CCDC148: variants seen among roughly 807,000 people sequenced by gnomAD.
CCDC148 encodes coiled-coil domain containing 148.
CCDC148 carries 89 observed loss-of-function variants against 85.7 expected under a neutral mutation model. The ratio of observed to expected loss-of-function variants is 1.04; its 90% confidence interval spans 0.87 to 1.24. The LOEUF (loss-of-function observed/expected upper bound fraction) is 1.24. Among genes scored for constraint, CCDC148 ranks in the 50% most tolerant of loss-of-function variants. The probability of loss-of-function intolerance (pLI) is 0.00; values close to 1 mark genes in which losing one functional copy is unlikely to be tolerated. For missense variants in CCDC148, 692 were observed against 671.7 expected (o/e 1.03, Z -0.33); for synonymous variants, 230 against 213.9 (o/e 1.08, Z -0.66).
intron 7 of CCDC148, among the ~76,000 whole-genome samples, chr2:158,329,024 T>A (rs75699868): frequency 0.15 from 22,840 of 152,182 alleles, 2,206 homozygotes; most frequent in Non-Finnish European, 0.21. Flanking sequence ...TTTAACTAGA[T>A]CCCATTTGTC....
intron 1 of CCDC148, among the ~76,000 whole-genome samples, chr2:158,451,677 T>C (rs1353343439): frequency 1.3e-5 from 2 of 152,038 alleles, no homozygotes; most frequent in Non-Finnish European, 2.9e-5. Flanking sequence ...AATAAAGGGC[T>C]TTGATATGGG....
At position 158,204,246 on chromosome 2, in the gene CCDC148, T is replaced by C. The variant is rs1000448581; in HGVS notation, c.1370+16349A>G. ...TACAATACAAAATGAGCGTTAAGAC[T>C]GTACAGGAAAAGGGCACTATGGTGG... On this transcript the variant is annotated intron_variant, in intron 11 of 13. Coordinates refer to ENST00000283233, the MANE Select transcript of CCDC148 (RefSeq NM_138803.4). 1.3e-4 allele frequency among the ~76,000 whole-genome samples: 20 copies of C among 152,298 alleles called. No individual in the cohort carries two copies. In the Middle Eastern group the frequency reaches 0.01, roughly 78 times the overall value.
At chr2:158,364,432 A>G (rs1684109951) in intron 1 of CCDC148, among the ~76,000 whole-genome samples, 3 of 152,240 alleles carry the variant, frequency 2.0e-5, no homozygotes, top group African/African-American at 2.4e-5. Flanking sequence ...TACAGTAACC[A>G]AAACAGCATG....
chr2:158,311,372 G>A (rs1692004580), intron 8 of CCDC148, among the ~76,000 whole-genome samples: 1 of 152,246 alleles, frequency 6.6e-6, no homozygotes, highest in African/African-American at 2.4e-5. Flanking sequence ...TCGGCAGGCT[G>A]AGGCAGGAGA....
chr2:158,369,788 T>C (rs927919209), intron 1 of CCDC148, among the ~76,000 whole-genome samples: 2 of 152,180 alleles, frequency 1.3e-5, no homozygotes, highest in African/African-American at 2.4e-5. Flanking sequence ...GCCCATTCAG[T>C]ATGATATTAG....
chr2:158,232,937 T>C (rs1373169222), intron 10 of CCDC148, among the ~76,000 whole-genome samples: 1 of 152,196 alleles, frequency 6.6e-6, no homozygotes, highest in East Asian at 1.9e-4. Context: ...GAATAAATTC[T>C]AGTGTTCAAT....
At chr2:158,332,886 T>C (rs573620153) in intron 7 of CCDC148, among the ~76,000 whole-genome samples, 3 of 46,538 alleles carry the variant, frequency 6.4e-5, no homozygotes, top group Admixed American at 2.2e-4. Flanking sequence ...ATATCCCCTA[T>C]AACATGTTTT....
chr2:158,249,629 T>C, intron 10 of CCDC148, among the ~76,000 whole-genome samples: 1 of 152,180 alleles, frequency 6.6e-6, no homozygotes, highest in East Asian at 1.9e-4. Context: ...ATGCTGCCTC[T>C]ACACCAATTT....
intron 10 of CCDC148, among the ~76,000 whole-genome samples, chr2:158,228,447 C>T (rs1275463943): frequency 3.3e-5 from 5 of 152,138 alleles, no homozygotes; most frequent in Non-Finnish European, 5.9e-5. Context: ...ACCCAGCAAT[C>T]CCATTGCTGG....
chr2:158,220,308 C>CCAGTATCAT (rs1194340003), intron 11 of CCDC148, among the ~76,000 whole-genome samples: 1 of 152,138 alleles, frequency 6.6e-6, no homozygotes, highest in Non-Finnish European at 1.5e-5. Context: ...ACAGCAGCAG[C>CCAGTATCAT]CAGTATCATT....
intron 7 of CCDC148, among the ~76,000 whole-genome samples, chr2:158,315,532 T>C (rs567395468): frequency 6.6e-6 from 1 of 152,184 alleles, no homozygotes; most frequent in East Asian, 1.9e-4. Flanking sequence ...TAAATGTGGA[T>C]GTATGGGTAG....
At chr2:158,187,410 C>T (rs1342372185) in intron 11 of CCDC148, among the ~76,000 whole-genome samples, 1 of 151,888 alleles carries the variant, frequency 6.6e-6, no homozygotes, top group Non-Finnish European at 1.5e-5. Flanking sequence ...CCTTTTCAGA[C>T]ACCATCTTTT....
chr2:158,352,093 G>C (rs868215118), intron 2 of CCDC148, among the ~76,000 whole-genome samples: 24 of 145,818 alleles, frequency 1.6e-4, no homozygotes, highest in Admixed American at 1.1e-3. Flanking sequence ...CATCATCAAA[G>C]ACCAAAAGTA....
chr2:158,372,555 A>G (rs74990496), intron 1 of CCDC148, among the ~76,000 whole-genome samples: 7,885 of 152,076 alleles, frequency 0.052, 374 homozygotes, highest in African/African-American at 0.12. Flanking sequence ...CCCAGCCTAC[A>G]TACCTGGACT....
In CCDC148 at chr2:158,359,631, G is replaced by A. The variant is rs974237339; in HGVS notation, c.26-1061C>T. Among the ~76,000 whole-genome samples, 12 of 152,254 alleles carry A rather than the reference G, an allele frequency of 7.9e-5. No individual in the cohort carries two copies. The East Asian group carries it at 2.1e-3, about 27-fold the overall frequency. On this transcript the variant is annotated intron_variant, in intron 1 of 13. Transcript: ENST00000283233. ...GGGAAGCCATGAGGGACTGTGCCGTGAGGAATGGTGCACCCCAGCCCAAAT... is the reference window on the plus strand; with the variant it reads ...GGGAAGCCATGAGGGACTGTGCCGTAAGGAATGGTGCACCCCAGCCCAAAT...
intron 2 of CCDC148, among the ~76,000 whole-genome samples, chr2:158,353,516 A>G (rs1156337703): frequency 1.3e-5 from 2 of 151,768 alleles, no homozygotes; most frequent in Admixed American, 1.3e-4. Context: ...CAATTCAACA[A>G]GAAGAGCTAA....
chr2:158,439,190 G>C (rs1451465105), intron 1 of CCDC148, among the ~76,000 whole-genome samples: 1 of 152,166 alleles, frequency 6.6e-6, no homozygotes, highest in Non-Finnish European at 1.5e-5. Flanking sequence ...TGTTTATTGT[G>C]GCACTATTCA....
At chr2:158,294,742 T>G (rs1375174126) in intron 9 of CCDC148, among the ~76,000 whole-genome samples, 1 of 150,190 alleles carries the variant, frequency 6.7e-6, no homozygotes, top group South Asian at 2.1e-4. Flanking sequence ...GAGAATTGCT[T>G]GAACCTAGGA....
At chr2:158,266,425 T>C (rs941944098) in intron 9 of CCDC148, among the ~76,000 whole-genome samples, 1 of 152,210 alleles carries the variant, frequency 6.6e-6, no homozygotes, top group African/African-American at 2.4e-5. Context: ...GTATGCACAA[T>C]TTCCAAAATG....
Sources: gnomAD v4.1 joint callset for allele counts (sites outside exome capture counted in the v4.1 genomes callset) on GRCh38, gnomAD v4.1.1 for gene constraint, MANE v1.5 for transcripts, NCBI Gene and HGNC (gene_info 2026-07-23, HGNC 2026-07-21) for gene names.